Variants in PTK2 observed in about 807,000 individuals in gnomAD.
PTK2 encodes focal adhesion kinase 1.
In PTK2, 45 loss-of-function variants were observed where a neutral mutation model predicts 150.1. The observed-to-expected ratio is 0.30, with a 90% CI of 0.24 to 0.38. PTK2 has a LOEUF of 0.38. Ranked by LOEUF, PTK2 falls within the 10% of genes least tolerant of loss-of-function variation. PTK2 has a pLI of 1.00. For synonymous variants in PTK2, 432 were observed against 449.2 expected (o/e 0.96, Z 0.48); for missense variants, 919 against 1,307.3 (o/e 0.70, Z 4.58).
intron 2 of PTK2, chr8:140,920,792 C>A: frequency 6.9e-7 from 1 of 1,457,748 alleles, no homozygotes; most frequent in Non-Finnish European, 9.0e-7. Context: ...TAAAACGGAA[C>A]ATATTTTTAA....
At chr8:140,764,331 T>G in intron 14 of PTK2, 41 bp from the exon 17 acceptor site, 1 of 1,421,904 alleles carries the variant, frequency 7.0e-7, no homozygotes, top group Non-Finnish European at 9.9e-7. Context: ...AGGTTAAACA[T>G]CTGACCTCCT....
chr8:140,751,636 T>A (rs925972218), intron 17 of PTK2, among the ~76,000 whole-genome samples: 7 of 151,996 alleles, frequency 4.6e-5, no homozygotes, highest in Admixed American at 6.6e-5. Flanking sequence ...GGACTACAGG[T>A]GCGTGCCACT....
chr8:140,840,151 T>C (rs2100121451), intron 7 of PTK2, among the ~76,000 whole-genome samples: 1 of 152,186 alleles, frequency 6.6e-6, no homozygotes, highest in Non-Finnish European at 1.5e-5. Flanking sequence ...CACAACAAGC[T>C]GGGCTCAAGC....
At chr8:140,765,161 C>G (rs559062724) in intron 14 of PTK2, 10 of 152,286 alleles carry the variant, frequency 6.6e-5, no homozygotes, top group African/African-American at 2.4e-4. Flanking sequence ...ATTTTAACTG[C>G]TGGGCCATTC....
chr8:140,940,391 G>A (rs2100175239), intron 1 of PTK2, among the ~76,000 whole-genome samples: 1 of 152,160 alleles, frequency 6.6e-6, no homozygotes, highest in Admixed American at 6.5e-5. Context: ...GGAGCTTGCA[G>A]TGAGATGAGA....
chr8:140,917,923 C>A (rs1337960714), intron 2 of PTK2, among the ~76,000 whole-genome samples: 2 of 152,204 alleles, frequency 1.3e-5, no homozygotes, highest in African/African-American at 4.8e-5. Flanking sequence ...GAGATTCCCA[C>A]AGTAATTTTT....
chr8:140,791,907 A>C (rs1215408299), intron 13 of PTK2, among the ~76,000 whole-genome samples: 4 of 152,216 alleles, frequency 2.6e-5, no homozygotes, highest in Non-Finnish European at 2.9e-5. Flanking sequence ...AGCAGGAAAC[A>C]ATCACACGGG....
At chr8:140,961,471 C>T (rs1371715332) in intron 1 of PTK2, among the ~76,000 whole-genome samples, 2 of 151,966 alleles carry the variant, frequency 1.3e-5, no homozygotes, top group African/African-American at 4.8e-5. Flanking sequence ...ACCGTCCTGG[C>T]TAACACAGTG....
At chr8:140,996,471 C>A (rs1235500416) in intron 1 of PTK2, among the ~76,000 whole-genome samples, 1 of 152,208 alleles carries the variant, frequency 6.6e-6, no homozygotes, top group Non-Finnish European at 1.5e-5. Context: ...CCATCTAGGA[C>A]TTTCATAGCC....
intron 12 of PTK2, among the ~76,000 whole-genome samples, chr8:140,798,733 A>C (rs1409635851): frequency 5.2e-4 from 79 of 152,236 alleles, no homozygotes; most frequent in Admixed American, 5.0e-3. Context: ...GAAATGGGCA[A>C]TCTATTACAT....
At position 140,670,488 on chromosome 8, in the gene PTK2, AACACACACACACACACACACACAC is replaced by A. The variant is rs57247522; in HGVS notation, c.2710-2088_2710-2065del. Among the ~76,000 whole-genome samples the A allele has an allele frequency of 3.1e-4, 12 of 38,980 alleles. 2 individuals are homozygous for A. The East Asian group carries it at 3.1e-3, about 10-fold the overall frequency. The allele number at this position is 38,980 out of a possible 152,430, so 25.6% of individuals were successfully genotyped here. A position where few individuals can be genotyped will look rare whatever the true frequency, so the allele number is the denominator to read the frequency against. ...AAAAAAAAAAAAAAAAAAAAACAAC[AACACACACACACACACACACACAC>A]ACACACACACACACACACACACACA... is the stretch of plus-strand genomic sequence containing the variant. On this transcript the variant is annotated intron_variant, in intron 29 of 31. Coordinates refer to ENST00000522684, the Ensembl canonical transcript of PTK2.
intron 1 of PTK2, among the ~76,000 whole-genome samples, chr8:140,974,053 G>A (rs2100188379): frequency 6.6e-6 from 1 of 152,122 alleles, no homozygotes; most frequent in African/African-American, 2.4e-5. Context: ...TCAAATCTCT[G>A]CAGGGACTGC....
At chr8:140,677,212 G>A (rs1564144121) in intron 27 of PTK2, among the ~76,000 whole-genome samples, 1 of 152,158 alleles carries the variant, frequency 6.6e-6, no homozygotes, top group Non-Finnish European at 1.5e-5. Flanking sequence ...CACAAAAACA[G>A]GTACAACCAG....
intron 30 of PTK2, among the ~76,000 whole-genome samples, chr8:140,667,465 TC>T (rs1356761172): frequency 0.013 from 664 of 52,254 alleles, 3 homozygotes; most frequent in Middle Eastern, 0.043. Context: ...TCTCTCTCTC[TC>T]TTTTTTTTTT....
At chr8:140,927,975 A>AAAAAAAAAAAAAAAAAAAAAAAAT in intron 1 of PTK2, among the ~76,000 whole-genome samples, 1 of 48,196 alleles carries the variant, frequency 2.1e-5, no homozygotes, top group Non-Finnish European at 3.4e-5. Context: ...AAAAAAAAAA[A>AAAAAAAAAAAAAAAAAAAAAAAAT]ATATATATAT....
chr8:140,931,441 T>G (rs955968397), intron 1 of PTK2, among the ~76,000 whole-genome samples: 1 of 152,128 alleles, frequency 6.6e-6, no homozygotes, highest in South Asian at 2.1e-4. Flanking sequence ...GGTGCCTGCC[T>G]GTAGTCCCAG....
chr8:140,832,178 C>T (rs2100115818), intron 7 of PTK2, among the ~76,000 whole-genome samples: 1 of 152,142 alleles, frequency 6.6e-6, no homozygotes, highest in Non-Finnish European at 1.5e-5. Context: ...CCTCAGTATC[C>T]CAAGTAGCTG....
intron 3 of PTK2, among the ~76,000 whole-genome samples, chr8:140,886,958 C>T (rs554071862): frequency 2.0e-5 from 3 of 152,162 alleles, no homozygotes; most frequent in Non-Finnish European, 4.4e-5. Context: ...CATTGTACAG[C>T]CTGGGTTTCT....
intron 20 of PTK2, among the ~76,000 whole-genome samples, chr8:140,742,008 C>T (rs982177657): frequency 2.2e-4 from 34 of 152,134 alleles, no homozygotes; most frequent in Admixed American, 1.5e-3. Flanking sequence ...TGGTGGCGCA[C>T]GCCCGTAGTA....
Sources: allele counts gnomAD v4.1 joint callset (sites outside exome capture counted in the v4.1 genomes callset), GRCh38; gene constraint gnomAD v4.1.1; transcripts MANE v1.5; gene names NCBI Gene and HGNC (gene_info 2026-07-23, HGNC 2026-07-21).